Variants in CCDC73 observed in about 807,000 individuals in gnomAD.
CCDC73 encodes the protein coiled-coil domain containing 73, also known as coiled-coil domain-containing protein 73.
CCDC73 carries 95 observed loss-of-function variants against 116.5 expected under a neutral mutation model. That is an observed-to-expected ratio of 0.82 (90% CI 0.69 to 0.97). CCDC73 has a LOEUF of 0.97. Among genes scored for constraint, CCDC73 ranks in the 50% least tolerant of loss-of-function variants. The pLI is 0.00. For missense variants in CCDC73, 1,066 were observed against 1,206.8 expected (o/e 0.88, Z 1.73); for synonymous variants, 398 against 401.3 (o/e 0.99, Z 0.10).
intron 1 of CCDC73, among the ~76,000 whole-genome samples, chr11:32,776,874 T>C (rs1458785287): frequency 6.8e-6 from 1 of 148,076 alleles, no homozygotes; most frequent in Non-Finnish European, 1.5e-5. Context: ...CCTTTGATCC[T>C]CAAATTGCTT....
At position 32,763,034 on chromosome 11, in the gene CCDC73, G is replaced by A. The variant is rs372689904; in HGVS notation, c.-15-2776C>T. Among the ~76,000 whole-genome samples the A allele has an allele frequency of 3.0e-4, 45 of 152,314 alleles. 1 individual carries two copies. In the East Asian group the frequency reaches 7.5e-3, roughly 26 times the overall value. On this transcript the variant is annotated intron_variant, in intron 1 of 17. Transcript: ENST00000335185. ...GCAGTCTGAGACCTAACTGCAAGGC[G>A]GCAGTGAGCCTGAGGAAGGGCGCCC...
chr11:32,642,154 T>C, intron 12 of CCDC73, 72 bp from the exon 13 acceptor site: 1 of 1,362,646 alleles, frequency 7.3e-7, no homozygotes, highest in Non-Finnish European at 9.5e-7. Context: ...TTATGTTGCT[T>C]GGACCTTTGC....
intron 14 of CCDC73, among the ~76,000 whole-genome samples, chr11:32,617,856 T>C (rs1477858964): frequency 6.6e-6 from 1 of 152,238 alleles, no homozygotes; most frequent in Non-Finnish European, 1.5e-5. Flanking sequence ...TGAACCTGTA[T>C]TTATTTATTA....
At chr11:32,819,467 G>GTT in the CCDC73 span, among the ~76,000 whole-genome samples, 218 of 148,552 alleles carry the variant, frequency 1.5e-3, 1 homozygote, top group Middle Eastern at 0.01. Flanking sequence ...GCAATAAGAG[G>GTT]TTTTTTTTTT....
chr11:32,626,630 T>C (rs1031206949), intron 14 of CCDC73, among the ~76,000 whole-genome samples: 1 of 152,058 alleles, frequency 6.6e-6, no homozygotes, highest in East Asian at 1.9e-4. Context: ...AAAACAGAGA[T>C]ATAGACCAAT....
chr11:32,785,147 A>C (rs2419765), intron 1 of CCDC73, among the ~76,000 whole-genome samples: 87,356 of 151,910 alleles, frequency 0.58, 25,438 homozygotes, highest in East Asian at 0.84. Flanking sequence ...GCCTGGGCAA[A>C]AAAGCAAGAC....
At chr11:32,765,391 A>AG (rs1261109556) in intron 1 of CCDC73, among the ~76,000 whole-genome samples, 2 of 99,198 alleles carry the variant, frequency 2.0e-5, no homozygotes, top group Non-Finnish European at 4.4e-5. Context: ...CAAATGTAAA[A>AG]GAACAAATTA....
chr11:32,768,456 GA>G (rs1241876634), intron 1 of CCDC73, among the ~76,000 whole-genome samples: 2 of 151,870 alleles, frequency 1.3e-5, no homozygotes, highest in Non-Finnish European at 2.9e-5. Context: ...ATGCATCCTA[GA>G]ACCTAAAGTA....
intron 2 of CCDC73, among the ~76,000 whole-genome samples, chr11:32,740,786 CT>C (rs367783156): frequency 4.7e-5 from 7 of 150,030 alleles, no homozygotes; most frequent in East Asian, 1.9e-4. Context: ...TGAAGTTTTT[CT>C]TTTTTTTTGA....
chr11:32,823,803 A>G, the CCDC73 span, among the ~76,000 whole-genome samples: 1 of 152,088 alleles, frequency 6.6e-6, no homozygotes, highest in African/African-American at 2.4e-5. Context: ...GCAGTGGTGC[A>G]ATCATAACTC....
chr11:32,704,239 G>A (rs1371538022), intron 3 of CCDC73, among the ~76,000 whole-genome samples: 1 of 152,208 alleles, frequency 6.6e-6, no homozygotes, highest in East Asian at 1.9e-4. Flanking sequence ...TGTGGTGGCG[G>A]GCAGGTAGGG....
intron 7 of CCDC73, chr11:32,682,550 T>C (rs1200894519): frequency 6.6e-6 from 1 of 151,906 alleles, no homozygotes; most frequent in African/African-American, 2.4e-5. Context: ...ATTTCTTACT[T>C]CTCATGTATA....
At chr11:32,635,213 T>C (rs577238619) in intron 14 of CCDC73, among the ~76,000 whole-genome samples, 4 of 152,230 alleles carry the variant, frequency 2.6e-5, no homozygotes, top group South Asian at 2.1e-4. Flanking sequence ...AATTGAGACA[T>C]TGATTCTAAA....
At chr11:32,820,759 G>C in the CCDC73 span, among the ~76,000 whole-genome samples, 1 of 151,860 alleles carries the variant, frequency 6.6e-6, no homozygotes, top group Admixed American at 6.6e-5. Context: ...TTTTCTCTTT[G>C]TCAATCTAAC....
chr11:32,691,442 T>C (rs1323909368), intron 6 of CCDC73, among the ~76,000 whole-genome samples: 1 of 152,194 alleles, frequency 6.6e-6, no homozygotes, highest in Non-Finnish European at 1.5e-5. Flanking sequence ...AATTTGTATT[T>C]CCCTGATGAC....
intron 14 of CCDC73, among the ~76,000 whole-genome samples, chr11:32,620,827 G>A (rs764814873): frequency 6.6e-6 from 1 of 151,918 alleles, no homozygotes; most frequent in African/African-American, 2.4e-5. Flanking sequence ...TAACAAAAAT[G>A]CCATAAAGAC....
the CCDC73 span, among the ~76,000 whole-genome samples, chr11:32,812,022 G>A: frequency 6.6e-6 from 1 of 151,916 alleles, no homozygotes; most frequent in Non-Finnish European, 1.5e-5. Flanking sequence ...CTACTGAATG[G>A]GGGTGTGAGT....
chr11:32,743,244 G>A (rs762086708), intron 2 of CCDC73, among the ~76,000 whole-genome samples: 1 of 152,124 alleles, frequency 6.6e-6, no homozygotes, highest in Non-Finnish European at 1.5e-5. Flanking sequence ...ATTACTTTGG[G>A]CAGTAAGGCC....
intron 17 of CCDC73, among the ~76,000 whole-genome samples, chr11:32,606,806 CTTTTTTTTTT>C (rs10591021): frequency 9.9e-6 from 1 of 101,062 alleles, no homozygotes; most frequent in Non-Finnish European, 1.9e-5. Context: ...AAAATAAATT[CTTTTTTTTTT>C]TTTTTTTTTT....
Sources: gnomAD v4.1 joint callset for allele counts (sites outside exome capture counted in the v4.1 genomes callset) on GRCh38, gnomAD v4.1.1 for gene constraint, MANE v1.5 for transcripts, NCBI Gene and HGNC (gene_info 2026-07-23, HGNC 2026-07-21) for gene names.